ATP8A1: variants seen among roughly 807,000 people sequenced by gnomAD.
ATP8A1 encodes ATPase phospholipid transporting 8A1.
A neutral mutation model predicts 177.7 loss-of-function variants in ATP8A1; 90 were observed. The observed-to-expected ratio is 0.51, with a 90% CI of 0.43 to 0.60. ATP8A1 has a LOEUF of 0.60. Among genes scored for constraint, ATP8A1 ranks in the 20% least tolerant of loss-of-function variants. The pLI is 0.00. For missense variants in ATP8A1, 1,072 were observed against 1,392.8 expected (o/e 0.77, Z 3.67); for synonymous variants, 493 against 485.9 (o/e 1.01, Z -0.19).
At chr4:42,620,200 G>C (rs1429660708) in intron 4 of ATP8A1, among the ~76,000 whole-genome samples, 1 of 152,134 alleles carries the variant, frequency 6.6e-6, no homozygotes, top group African/African-American at 2.4e-5. Context: ...TATCTAAATT[G>C]TTATTTGATT....
Position 42,657,025 on chromosome 4 carries a change from G to T in ATP8A1, c.-152C>A. ...TAGGGCAGAGCTGCCGCCGGGCGCG[G>T]CCCCCGCACGCCGACAGGAGGAGGA... On this transcript the variant is annotated 5_prime_UTR_variant, in exon 1 of 37. Coordinates refer to ENST00000381668, the MANE Select transcript of ATP8A1 (RefSeq NM_006095.2). The T allele has an allele frequency of 1.4e-6, 1 of 711,600 alleles. No homozygotes were observed. 44.1% of individuals were successfully genotyped at this position (711,600 alleles called of 1,614,324 possible). A position where few individuals can be genotyped will look rare whatever the true frequency, so the allele number is the denominator to read the frequency against.
chr4:42,549,884 C>G (rs1729322740), intron 18 of ATP8A1, among the ~76,000 whole-genome samples: 1 of 152,094 alleles, frequency 6.6e-6, no homozygotes, highest in Non-Finnish European at 1.5e-5. Context: ...GCTATGAATA[C>G]TGTACAGGTA....
intron 25 of ATP8A1, among the ~76,000 whole-genome samples, chr4:42,481,425 T>C (rs1327078905): frequency 6.6e-6 from 1 of 152,202 alleles, no homozygotes; most frequent in Non-Finnish European, 1.5e-5. Context: ...TCCAATCTCT[T>C]CATTTTGTAG....
intron 22 of ATP8A1, among the ~76,000 whole-genome samples, chr4:42,521,864 T>A (rs1368015345): frequency 1.3e-5 from 2 of 152,074 alleles, no homozygotes; most frequent in African/African-American, 4.8e-5. Flanking sequence ...ATGTTCCATA[T>A]CCTCAGAGAT....
At chr4:42,447,734 G>T (rs1577951743) in intron 30 of ATP8A1, among the ~76,000 whole-genome samples, 1 of 152,178 alleles carries the variant, frequency 6.6e-6, no homozygotes, top group South Asian at 2.1e-4. Context: ...GTACTGGTGA[G>T]CTTTGGAGAC....
intron 24 of ATP8A1, among the ~76,000 whole-genome samples, chr4:42,490,926 G>A (rs1051085068): frequency 9.2e-5 from 14 of 152,102 alleles, no homozygotes; most frequent in Admixed American, 9.2e-4. Flanking sequence ...TGGAACAGAG[G>A]TCTTTGATGA....
At chr4:42,504,610 T>C (rs755001351) in intron 23 of ATP8A1, among the ~76,000 whole-genome samples, 47 of 152,248 alleles carry the variant, frequency 3.1e-4, no homozygotes, top group Non-Finnish European at 5.4e-4. Flanking sequence ...GTTACCACCT[T>C]GGTCCAAGTC....
chr4:42,413,105 A>G (rs1577881040), intron 36 of ATP8A1, 92 bp from the exon 37 acceptor site: 1 of 968,098 alleles, frequency 1.0e-6, no homozygotes, highest in African/African-American at 1.6e-5. Flanking sequence ...AGCCTGGGGA[A>G]CAAATGCAGC....
intron 23 of ATP8A1, among the ~76,000 whole-genome samples, chr4:42,503,824 G>C (rs1240213767): frequency 2.0e-5 from 3 of 152,200 alleles, no homozygotes; most frequent in Non-Finnish European, 2.9e-5. Context: ...AACATGAAGA[G>C]CAAAAGACAG....
At chr4:42,646,190 C>T (rs761073015) in intron 1 of ATP8A1, among the ~76,000 whole-genome samples, 67 of 152,296 alleles carry the variant, frequency 4.4e-4, no homozygotes, top group East Asian at 2.7e-3. Flanking sequence ...GGCATCAAAA[C>T]GGCTCACAAA....
chr4:42,490,635 T>C (rs1407553033), intron 24 of ATP8A1, among the ~76,000 whole-genome samples: 1 of 152,190 alleles, frequency 6.6e-6, no homozygotes, highest in Non-Finnish European at 1.5e-5. Context: ...AACACCTGCC[T>C]TCTCACCTTT....
intron 1 of ATP8A1, among the ~76,000 whole-genome samples, chr4:42,633,575 A>G (rs1738967164): frequency 1.3e-5 from 2 of 152,208 alleles, no homozygotes; most frequent in South Asian, 4.1e-4. Flanking sequence ...CATGGTAAGA[A>G]TGAGGAAGAA....
intron 15 of ATP8A1, 38 bp from the exon 16 acceptor site, chr4:42,556,078 T>C (rs1244698967): frequency 2.8e-6 from 4 of 1,424,042 alleles, no homozygotes; most frequent in Admixed American, 3.5e-5. Flanking sequence ...CCAGTTCATT[T>C]ATACCAGCCC....
intron 25 of ATP8A1, among the ~76,000 whole-genome samples, chr4:42,477,715 T>A (rs1721226489): frequency 6.6e-6 from 1 of 151,080 alleles, no homozygotes; most frequent in South Asian, 2.1e-4. Context: ...CTCACGCCTG[T>A]AATCACTGCA....
At chr4:42,426,996 A>T (rs1264504933) in intron 33 of ATP8A1, among the ~76,000 whole-genome samples, 2 of 152,154 alleles carry the variant, frequency 1.3e-5, no homozygotes, top group African/African-American at 4.8e-5. Flanking sequence ...GCTTCAAAAC[A>T]TTTTTTTGGA....
intron 4 of ATP8A1, among the ~76,000 whole-genome samples, chr4:42,616,889 G>GT (rs1421938752): frequency 6.6e-6 from 1 of 152,140 alleles, no homozygotes; most frequent in Non-Finnish European, 1.5e-5. Flanking sequence ...TCACCTAGAG[G>GT]TTTTCCATGG....
intron 25 of ATP8A1, among the ~76,000 whole-genome samples, chr4:42,471,238 C>G (rs545162723): frequency 6.6e-5 from 10 of 152,284 alleles, no homozygotes; most frequent in African/African-American, 1.9e-4. Context: ...TAGAAGTGCG[C>G]TATTCAAATG....
At chr4:42,426,223 C>T (rs868485104) in intron 33 of ATP8A1, among the ~76,000 whole-genome samples, 2 of 152,220 alleles carry the variant, frequency 1.3e-5, no homozygotes, top group African/African-American at 2.4e-5. Flanking sequence ...TACGTTCCCA[C>T]GCCAGACAGA....
At chr4:42,493,855 T>A (rs1345399612) in intron 24 of ATP8A1, among the ~76,000 whole-genome samples, 2 of 151,872 alleles carry the variant, frequency 1.3e-5, no homozygotes, top group East Asian at 3.9e-4. Flanking sequence ...TGAAGTGACA[T>A]CCAGGAAAGG....
Sources: allele counts gnomAD v4.1 joint callset (sites outside exome capture counted in the v4.1 genomes callset), GRCh38; gene constraint gnomAD v4.1.1; transcripts MANE v1.5; gene names NCBI Gene and HGNC (gene_info 2026-07-23, HGNC 2026-07-21).